Variants in NSD1 observed in about 807,000 individuals in gnomAD.
The protein encoded by NSD1 is histone-lysine N-methyltransferase, H3 lysine-36 specific.
A neutral mutation model predicts 242.7 loss-of-function variants in NSD1; 26 were observed. The observed-to-expected ratio is 0.11, with a 90% confidence interval of 0.08 to 0.15. The LOEUF (loss-of-function observed/expected upper bound fraction) is 0.15, where lower values mean the gene tolerates loss of function less well. Among genes scored for constraint, NSD1 ranks in the 10% least tolerant of loss-of-function variants. The pLI, the probability that NSD1 is intolerant of heterozygous loss-of-function variation, is 1.00. For synonymous variants in NSD1, 1,106 were observed against 1,178.1 expected, an observed-to-expected ratio of 0.94 and a Z score of 1.25; for missense variants, 2,495 against 3,272.8, an observed-to-expected ratio of 0.76 and a Z score of 5.80.
chr5:177,287,022 T>TA (rs1440495578), intron 20 of NSD1, among the ~76,000 whole-genome samples: 1 of 152,238 alleles, frequency 6.6e-6, no homozygotes. Flanking sequence ...ACCTGCAACT[T>TA]ACTGTCTCCC....
chr5:177,163,013 G>A (rs376007314), intron 2 of NSD1, among the ~76,000 whole-genome samples: 8 of 152,020 alleles, frequency 5.3e-5, no homozygotes, highest in African/African-American at 1.9e-4. Flanking sequence ...GGGTCTCCCT[G>A]TGTTGCCCAG....
At chr5:177,197,778 G>A (rs1257431441) in intron 3 of NSD1, among the ~76,000 whole-genome samples, 1 of 152,180 alleles carries the variant, frequency 6.6e-6, no homozygotes, top group African/African-American at 2.4e-5. Flanking sequence ...GTTTAAGGAC[G>A]ATGTGGTCAA....
intron 2 of NSD1, among the ~76,000 whole-genome samples, chr5:177,162,310 A>T (rs959294143): frequency 2.6e-5 from 4 of 152,038 alleles, no homozygotes; most frequent in African/African-American, 9.7e-5. Context: ...AAAAAAAAAA[A>T]AATCTAGTTG....
At chr5:177,189,975 T>A (rs988430495) in intron 2 of NSD1, among the ~76,000 whole-genome samples, 4 of 152,166 alleles carry the variant, frequency 2.6e-5, no homozygotes, top group African/African-American at 9.7e-5. Context: ...TAGATTTTTT[T>A]AAAGACAGAT....
chr5:177,238,630 T>C lies in NSD1; in HGVS notation c.4192+123T>C. 1 of 1,073,680 alleles carries C rather than the reference T, an allele frequency of 9.3e-7. No individual in the cohort carries two copies. The highest frequency in any genetic ancestry group is 1.4e-6 in the Non-Finnish European group (1 of 712,848). 66.5% of individuals were successfully genotyped at this position (1,073,680 alleles called of 1,614,324 possible). ...TACAATAAACTACCCCCTTTTGTCC[T>C]GGGAAATACTTAAAATGATGGTTAA... On this transcript the variant is annotated intron_variant, in intron 7 of 22. Coordinates refer to ENST00000439151, the MANE Select transcript of NSD1 (RefSeq NM_022455.5). This position sits in a 1 kb window ranked among gnomAD's most constrained non-coding sequence, Gnocchi z 4.6.
chr5:177,162,100 C>CT (rs1309471085), intron 2 of NSD1, among the ~76,000 whole-genome samples: 1 of 152,002 alleles, frequency 6.6e-6, no homozygotes, highest in African/African-American at 2.4e-5. Flanking sequence ...GAGTTCGAGA[C>CT]TAGCCTGGCC....
At chr5:177,163,250 C>G (rs953574681) in intron 2 of NSD1, among the ~76,000 whole-genome samples, 8 of 148,974 alleles carry the variant, frequency 5.4e-5, no homozygotes, top group Non-Finnish European at 8.9e-5. Context: ...TCAAGTGATT[C>G]TCCTGCCTCA....
intron 5 of NSD1, chr5:177,229,886 G>A (rs950494558): frequency 2.9e-5 from 6 of 207,908 alleles, no homozygotes; most frequent in South Asian, 1.5e-4. Context: ...TGCAACTACA[G>A]GTATGCACCA....
intron 2 of NSD1, among the ~76,000 whole-genome samples, chr5:177,180,261 A>AT (rs1659489299): frequency 6.6e-6 from 1 of 151,684 alleles, no homozygotes; most frequent in African/African-American, 2.4e-5. Flanking sequence ...CGCCTAGCTA[A>AT]TTTTTTTGTA....
chr5:177,277,470 C>G (rs2127251730), intron 17 of NSD1, among the ~76,000 whole-genome samples: 1 of 152,014 alleles, frequency 6.6e-6, no homozygotes, highest in African/African-American at 2.4e-5. Context: ...ACTTTCTGAC[C>G]CTTTACAGAA....
At chr5:177,202,037 G>A (rs1481765657) in intron 3 of NSD1, among the ~76,000 whole-genome samples, 1 of 151,872 alleles carries the variant, frequency 6.6e-6, no homozygotes, top group African/African-American at 2.4e-5. Flanking sequence ...GCGTGGTGGC[G>A]CATGCCTGTA....
At chr5:177,251,970 T>G in intron 12 of NSD1, 117 bp downstream of exon 12, 2 of 1,282,152 alleles carry the variant, frequency 1.6e-6, no homozygotes, top group Non-Finnish European at 2.2e-6. Flanking sequence ...GTTACAGATA[T>G]AGAAATGGTG....
Position 177,295,552 on chromosome 5 carries a change from A to G in NSD1, c.*93A>G. The G allele has an allele frequency of 8.2e-7, 1 of 1,225,358 alleles. No homozygotes were observed. 75.9% of individuals were successfully genotyped at this position (1,225,358 alleles called of 1,614,324 possible). ...CTTTCTTTCCCCCTTAAAAAAAAAC[A>G]CATCTGCCCCGAACACTTTCCCACT... On this transcript the variant is annotated 3_prime_UTR_variant, in exon 23 of 23. Coordinates refer to ENST00000439151, the MANE Select transcript of NSD1 (RefSeq NM_022455.5). This position sits in a 1 kb window ranked among gnomAD's most constrained non-coding sequence, Gnocchi z 4.3.
chr5:177,235,633 C>T (rs867991047), intron 5 of NSD1, among the ~76,000 whole-genome samples, 188 bp from the exon 6 acceptor site: 3 of 152,106 alleles, frequency 2.0e-5, no homozygotes, highest in South Asian at 4.1e-4. Context: ...GTCCTTTTGT[C>T]TCCCCCCAGC....
chr5:177,229,070 AT>A (rs1162092204), intron 5 of NSD1, among the ~76,000 whole-genome samples: 1 of 150,848 alleles, frequency 6.6e-6, no homozygotes, highest in African/African-American at 2.4e-5. Flanking sequence ...CATTTGGTAT[AT>A]TTTTCTGATT....
intron 5 of NSD1, chr5:177,220,986 C>T: frequency 2.2e-6 from 1 of 453,398 alleles, no homozygotes; most frequent in Non-Finnish European, 4.4e-6. Flanking sequence ...GCCTCAGCCT[C>T]CTGAGTAGCT....
chr5:177,288,686 T>C, intron 20 of NSD1, 133 bp from the exon 21 acceptor site: 1 of 692,426 alleles, frequency 1.4e-6, no homozygotes, highest in African/African-American at 1.8e-5. Flanking sequence ...TAGAATTAAT[T>C]AAAATATAGG....
chr5:177,150,340 G>A (rs974054277), intron 2 of NSD1, among the ~76,000 whole-genome samples: 5 of 151,942 alleles, frequency 3.3e-5, no homozygotes, highest in Admixed American at 2.6e-4. Context: ...TGTGTTGTCC[G>A]TTCTGGTCTC....
chr5:177,279,901 G>A (rs1223596312), intron 17 of NSD1, among the ~76,000 whole-genome samples: 2 of 150,932 alleles, frequency 1.3e-5, no homozygotes, highest in African/African-American at 4.9e-5. Flanking sequence ...ACAGGTGTGA[G>A]CCACCAGGCG....
Sources: gnomAD v4.1 joint callset for allele counts (sites outside exome capture counted in the v4.1 genomes callset) on GRCh38, gnomAD v4.1.1 for gene constraint, Gnocchi (gnomAD v3.1) non-coding constraint, MANE v1.5 for transcripts, NCBI Gene and HGNC (gene_info 2026-07-23, HGNC 2026-07-21) for gene names.